KCTD8: variants seen among roughly 807,000 people sequenced by gnomAD.
KCTD8 encodes BTB/POZ domain-containing protein KCTD8.
KCTD8 carries 27 observed loss-of-function variants against 31.5 expected under a neutral mutation model. The ratio of observed to expected loss-of-function variants is 0.86; its 90% CI spans 0.63 to 1.18. The LOEUF (loss-of-function observed/expected upper bound fraction) is 1.18, where lower values mean the gene tolerates loss of function less well. KCTD8 is among the 50% of genes most tolerant of loss of function. KCTD8 has a pLI of 0.00. For missense variants in KCTD8, 658 were observed against 647.7 expected (o/e 1.02, Z -0.17); for synonymous variants, 290 against 280.0 (o/e 1.04, Z -0.36).
At chr4:44,262,705 A>G (rs1399975957) in intron 1 of KCTD8, among the ~76,000 whole-genome samples, 1 of 152,134 alleles carries the variant, frequency 6.6e-6, no homozygotes, top group Non-Finnish European at 1.5e-5. Context: ...ATTAATTTCC[A>G]AAATGGTTAT....
intron 1 of KCTD8, among the ~76,000 whole-genome samples, chr4:44,366,095 T>C (rs1170237705): frequency 6.6e-6 from 1 of 152,214 alleles, no homozygotes; most frequent in Non-Finnish European, 1.5e-5. Context: ...TTCTCTGTTT[T>C]TGTTGGGTGC....
chr4:44,378,281 G>A (rs1719969979), intron 1 of KCTD8, among the ~76,000 whole-genome samples: 1 of 147,202 alleles, frequency 6.8e-6, no homozygotes, highest in Non-Finnish European at 1.5e-5. Flanking sequence ...GTATTAGGCA[G>A]GGCACAATAC....
intron 1 of KCTD8, among the ~76,000 whole-genome samples, chr4:44,336,701 C>T (rs1718755294): frequency 6.6e-6 from 1 of 152,008 alleles, no homozygotes; most frequent in African/African-American, 2.4e-5. Flanking sequence ...CAACTTTTCT[C>T]TGTACCAGTA....
chr4:44,217,264 G>A (rs978246234), intron 1 of KCTD8, among the ~76,000 whole-genome samples: 5 of 152,124 alleles, frequency 3.3e-5, no homozygotes, highest in Admixed American at 2.0e-4. Context: ...TATCTAAGAC[G>A]CTTGGGATAA....
intron 1 of KCTD8, among the ~76,000 whole-genome samples, chr4:44,286,254 G>T (rs982385735): frequency 3.3e-5 from 5 of 152,136 alleles, no homozygotes; most frequent in African/African-American, 1.2e-4. Context: ...CTGAACTCCA[G>T]GCTCATATAT....
intron 1 of KCTD8, among the ~76,000 whole-genome samples, chr4:44,358,288 G>C (rs1719398923): frequency 6.6e-6 from 1 of 152,218 alleles, no homozygotes; most frequent in Non-Finnish European, 1.5e-5. Flanking sequence ...TCTTTATCCA[G>C]TCTATCATTG....
At chr4:44,208,524 T>C (rs556885759) in intron 1 of KCTD8, among the ~76,000 whole-genome samples, 20 of 152,296 alleles carry the variant, frequency 1.3e-4, no homozygotes, top group African/African-American at 4.6e-4. Flanking sequence ...AGAATACAAA[T>C]TATATTGAAA....
Position 44,447,863 on chromosome 4 carries a change from G to A in KCTD8, c.661C>T (p.Arg221Cys), listed in dbSNP as rs1188294515. The A allele has an allele frequency of 1.3e-6, 2 of 1,571,468 alleles. No homozygotes were observed. The highest frequency in any genetic ancestry group is 1.4e-5 in the African/African-American group (1 of 73,846). Reference sequence around the variant, plus strand: ...AATTTGGCGTCGGCCTGGTTGTCGCGCACGGTGGTGTAGGAGCCCCGGTAG... The same window carrying A: ...AATTTGGCGTCGGCCTGGTTGTCGCACACGGTGGTGTAGGAGCCCCGGTAG... The part of the protein sequence containing the change: ...LGYRGSYTTV[R>C]DNQADAKFRR... Residue 221 changes from arginine to cysteine, a missense_variant, in exon 1 of 2, where the codon CGC (arginine) becomes TGC (cysteine). Transcript: ENST00000360029.
At chr4:44,316,640 A>G (rs892172343) in intron 1 of KCTD8, among the ~76,000 whole-genome samples, 1 of 151,854 alleles carries the variant, frequency 6.6e-6, no homozygotes, top group African/African-American at 2.4e-5. Context: ...ATCTTCTTAT[A>G]GTTTGAATAG....
chr4:44,392,464 T>C (rs1267589083), intron 1 of KCTD8, among the ~76,000 whole-genome samples: 2 of 152,026 alleles, frequency 1.3e-5, no homozygotes, highest in African/African-American at 4.8e-5. Flanking sequence ...TCACCTATCA[T>C]TGAGTCAGAT....
chr4:44,391,791 C>A (rs147483558), intron 1 of KCTD8, among the ~76,000 whole-genome samples: 53 of 151,940 alleles, frequency 3.5e-4, no homozygotes, highest in African/African-American at 1.2e-3. Context: ...AATAAATGAA[C>A]ATTCAGATTA....
chr4:44,385,103 G>C (rs1033945029), intron 1 of KCTD8, among the ~76,000 whole-genome samples: 3 of 151,590 alleles, frequency 2.0e-5, no homozygotes, highest in Non-Finnish European at 4.4e-5. Flanking sequence ...CATTTTCATG[G>C]ATTGGAAGAC....
At chr4:44,406,515 T>A (rs1334525651) in intron 1 of KCTD8, among the ~76,000 whole-genome samples, 13 of 152,116 alleles carry the variant, frequency 8.5e-5, no homozygotes, top group Non-Finnish European at 1.6e-4. Flanking sequence ...ATGTAAGAAG[T>A]GCCTTTTGCC....
intron 1 of KCTD8, among the ~76,000 whole-genome samples, chr4:44,184,435 G>T (rs1418186494): frequency 6.6e-6 from 1 of 151,618 alleles, no homozygotes; most frequent in African/African-American, 2.4e-5. Flanking sequence ...TATAACAAAA[G>T]AAAAGAAAAG....
chr4:44,192,503 C>T (rs1328726186), intron 1 of KCTD8, among the ~76,000 whole-genome samples: 4 of 151,694 alleles, frequency 2.6e-5, no homozygotes, highest in Non-Finnish European at 5.9e-5. Context: ...CACACACACA[C>T]ACACACACAC....
chr4:44,393,623 A>T (rs1464024334), intron 1 of KCTD8, among the ~76,000 whole-genome samples: 1 of 151,674 alleles, frequency 6.6e-6, no homozygotes, highest in Non-Finnish European at 1.5e-5. Flanking sequence ...GAGCATTTTA[A>T]GAAAACTTTT....
rs556630295 is a variant in KCTD8, at chr4:44,201,503, A to T, written c.962-26253T>A. Reference sequence around the variant, plus strand: ...ATAGAAAACTCAGAAATAAAGCCACATACTTACAATTATTGATCTTACACA... The same window carrying T: ...ATAGAAAACTCAGAAATAAAGCCACTTACTTACAATTATTGATCTTACACA... On this transcript the variant is annotated intron_variant, in intron 1 of 1. Transcript: ENST00000360029. Among the ~76,000 whole-genome samples, 60 of 152,250 alleles carry T rather than the reference A, an allele frequency of 3.9e-4. No homozygotes were observed. In the South Asian group the frequency reaches 0.011, roughly 29 times the overall value.
intron 1 of KCTD8, among the ~76,000 whole-genome samples, chr4:44,181,392 C>T (rs62304794): frequency 0.044 from 6,750 of 152,158 alleles, 213 homozygotes; most frequent in Admixed American, 0.065. Context: ...ATTGCAGGCG[C>T]GCACCACCAC....
intron 1 of KCTD8, among the ~76,000 whole-genome samples, chr4:44,233,021 A>G (rs953951572): frequency 2.0e-5 from 3 of 152,024 alleles, no homozygotes; most frequent in Non-Finnish European, 4.4e-5. Flanking sequence ...ACTATTTGAT[A>G]AATGTAAAAT....
Sources: allele counts gnomAD v4.1 joint callset (sites outside exome capture counted in the v4.1 genomes callset), GRCh38; gene constraint gnomAD v4.1.1; transcripts MANE v1.5; gene names NCBI Gene and HGNC (gene_info 2026-07-23, HGNC 2026-07-21).